TUT7: variants seen among roughly 807,000 people sequenced by gnomAD.
The protein encoded by TUT7 is terminal uridylyl transferase 7.
Under a neutral mutation model 165.9 loss-of-function variants are expected in TUT7, and 33 were observed. That is an observed-to-expected ratio of 0.20 (90% CI 0.15 to 0.27). The LOEUF (loss-of-function observed/expected upper bound fraction) is 0.27. Among genes scored for constraint, TUT7 ranks in the 10% least tolerant of loss-of-function variants. The probability of loss-of-function intolerance (pLI) is 1.00; values close to 1 mark genes in which losing one functional copy is unlikely to be tolerated. For missense variants in TUT7, 1,338 were observed against 1,762.3 expected, an observed-to-expected ratio of 0.76 and a Z score of 4.31; for synonymous variants, 552 against 608.1, an observed-to-expected ratio of 0.91 and a Z score of 1.36.
intron 20 of TUT7, 44 bp from the exon 21 acceptor site, chr9:86,309,333 T>C (rs368789916): frequency 1.2e-5 from 17 of 1,426,670 alleles, no homozygotes; most frequent in Non-Finnish European, 1.6e-5. Context: ...ACAAACTTAA[T>C]GCATTGATAC....
intron 26 of TUT7, among the ~76,000 whole-genome samples, chr9:86,294,083 C>G (rs1826101526): frequency 6.6e-6 from 1 of 152,186 alleles, no homozygotes; most frequent in Admixed American, 6.5e-5. Context: ...TCTAGCTCTT[C>G]AACTTCCATG....
chr9:86,310,068 C>T, intron 18 of TUT7, 51 bp from the exon 19 acceptor site: 1 of 1,336,236 alleles, frequency 7.5e-7, no homozygotes, highest in Admixed American at 2.5e-5. Flanking sequence ...TGTAAAGGGT[C>T]TCTTTTTTTT....
intron 26 of TUT7, among the ~76,000 whole-genome samples, chr9:86,294,046 G>GC (rs1826096999): frequency 6.6e-6 from 1 of 152,120 alleles, no homozygotes; most frequent in Non-Finnish European, 1.5e-5. Flanking sequence ...GCGCCCGGCC[G>GC]CAAGGATAGT....
intron 26 of TUT7, among the ~76,000 whole-genome samples, chr9:86,294,694 G>A (rs1201742016): frequency 5.3e-5 from 8 of 151,160 alleles, no homozygotes; most frequent in African/African-American, 2.4e-5. Context: ...TCTTATTAAA[G>A]TCGTTGTAAG....
chr9:86,315,501 G>A (rs1396921734), intron 17 of TUT7, among the ~76,000 whole-genome samples: 4 of 152,214 alleles, frequency 2.6e-5, no homozygotes, highest in East Asian at 1.9e-4. Context: ...AAAGTTATAT[G>A]TGGAACTCTT....
At chr9:86,346,620 A>G in intron 2 of TUT7, 140 bp from the exon 3 acceptor site, 1 of 802,478 alleles carries the variant, frequency 1.2e-6, no homozygotes, top group Non-Finnish European at 2.0e-6. Flanking sequence ...TAGCTGTCCT[A>G]TGGACAAAAT....
intron 2 of TUT7, among the ~76,000 whole-genome samples, chr9:86,349,572 G>A (rs1173011635): frequency 6.6e-6 from 1 of 151,718 alleles, no homozygotes; most frequent in Non-Finnish European, 1.5e-5. Context: ...TATGTGGGGG[G>A]GAAAAAAGCA....
chr9:86,335,998 A>G (rs573525960), intron 10 of TUT7, among the ~76,000 whole-genome samples: 1 of 152,316 alleles, frequency 6.6e-6, no homozygotes, highest in East Asian at 1.9e-4. Flanking sequence ...TACTACCCTG[A>G]AGTATCCTTA....
Position 86,336,223 on chromosome 9 carries a change from T to C in TUT7, c.1455+1196A>G, listed in dbSNP as rs143772806. The stretch of plus-strand genomic sequence containing the variant: ...ATCCTAAATTCCTATCTCTCTTAGA[T>C]CAAGGTGAAAGGAAAACTTCAAAGA... On this transcript the variant is annotated intron_variant, in intron 10 of 26. Transcript: ENST00000375963. Among the ~76,000 whole-genome samples, 14 of 152,290 alleles carry C rather than the reference T, an allele frequency of 9.2e-5. No homozygotes were observed. In the East Asian group the frequency reaches 2.7e-3, roughly 29 times the overall value.
In TUT7 at chr9:86,288,412, A is replaced by G. The variant is rs1480719464; in HGVS notation, c.*265T>C. On this transcript the variant is annotated 3_prime_UTR_variant, in exon 27 of 27. Transcript: ENST00000375963. ...ATTCACTGAATACCGGTCCATAGTTATATTTTTTCTTTTAACGTGGCTTAA... is the reference window on the plus strand; with the variant it reads ...ATTCACTGAATACCGGTCCATAGTTGTATTTTTTCTTTTAACGTGGCTTAA... The G allele has an allele frequency of 1.6e-5, 4 of 251,008 alleles. No homozygotes were observed. The East Asian group carries it at 3.0e-4, about 19-fold the overall frequency. The allele number at this position is 251,008 out of a possible 1,614,324, so 15.5% of individuals were successfully genotyped here.
rs1031854431 is a variant in TUT7 at position 86,311,426 on chromosome 9, C to T, written c.3275-617G>A. Among the ~76,000 whole-genome samples, 1 of 151,588 alleles carries T rather than the reference C, an allele frequency of 6.6e-6. No homozygotes were observed. The highest frequency in any genetic ancestry group is 1.5e-5 in the Non-Finnish European group (1 of 67,868). ...TGTAGATGCCTGAAATAGAATGGTA[C>T]GTTCAGGGAAGTTCCAGAGAATTGC... On this transcript the variant is annotated intron_variant, in intron 17 of 26. Transcript: ENST00000375963. This position sits in a 1 kb window ranked among gnomAD's most constrained non-coding sequence, Gnocchi z 4.4.
chr9:86,309,814 C>A, intron 19 of TUT7, 114 bp downstream of exon 19: 1 of 1,100,192 alleles, frequency 9.1e-7, no homozygotes, highest in Non-Finnish European at 1.3e-6. Flanking sequence ...TCCCAAATAG[C>A]TACATGAAGC....
rs569120270 is a variant in TUT7, at chr9:86,318,475, G to A, written c.3216+483C>T. Among the ~76,000 whole-genome samples the A allele has an allele frequency of 5.8e-4, 89 of 152,302 alleles. 1 individual carries two copies. In the South Asian group the frequency reaches 0.017, roughly 28 times the overall value. On this transcript the variant is annotated intron_variant, in intron 16 of 26. Transcript: ENST00000375963. The stretch of plus-strand genomic sequence containing the variant: ...CATGATAATGTGTACAAAAATCAGC[G>A]GAGGCAGGAGGAACAGATATTATAC...
At chr9:86,327,055 A>G (rs1829856953) in intron 11 of TUT7, among the ~76,000 whole-genome samples, 1 of 152,230 alleles carries the variant, frequency 6.6e-6, no homozygotes, top group Non-Finnish European at 1.5e-5. Flanking sequence ...AGTAATACAA[A>G]GTCATCTGGT....
intron 10 of TUT7, among the ~76,000 whole-genome samples, chr9:86,332,477 T>C (rs762085693): frequency 1.3e-5 from 2 of 152,110 alleles, no homozygotes; most frequent in Non-Finnish European, 2.9e-5. Flanking sequence ...TTCTCACTTA[T>C]AGGTGGGAGC....
chr9:86,339,939 G>C, intron 8 of TUT7, 97 bp downstream of exon 8: 1 of 946,154 alleles, frequency 1.1e-6, no homozygotes, highest in Non-Finnish European at 1.7e-6. Context: ...CAAATAAAAA[G>C]CTTATAATTC....
chr9:86,328,276 T>C (rs1829979784), intron 11 of TUT7, 64 bp downstream of exon 11: 1 of 1,440,288 alleles, frequency 6.9e-7, no homozygotes, highest in Non-Finnish European at 9.2e-7. Flanking sequence ...AAGACAAGAC[T>C]GACTAATCCA....
At chr9:86,335,414 T>C (rs1830673065) in intron 10 of TUT7, among the ~76,000 whole-genome samples, 1 of 152,188 alleles carries the variant, frequency 6.6e-6, no homozygotes. Flanking sequence ...AAAATGGGAA[T>C]TATGATTGGG....
At chr9:86,305,746 A>AC (rs1286594082) in intron 22 of TUT7, among the ~76,000 whole-genome samples, 1 of 152,190 alleles carries the variant, frequency 6.6e-6, no homozygotes, top group African/African-American at 2.4e-5. Context: ...ATTACAAAAC[A>AC]CACTTATAAA....
Sources: allele counts gnomAD v4.1 joint callset (sites outside exome capture counted in the v4.1 genomes callset), GRCh38; gene constraint gnomAD v4.1.1; non-coding constraint Gnocchi (gnomAD v3.1); transcripts MANE v1.5; gene names NCBI Gene and HGNC (gene_info 2026-07-23, HGNC 2026-07-21).